The following THSD4 variants were observed in gnomAD, a reference collection of about 807,000 sequenced individuals.
THSD4 encodes the protein thrombospondin type 1 domain containing 4, also known as thrombospondin type-1 domain-containing protein 4.
Under a neutral mutation model 119.0 loss-of-function variants are expected in THSD4, and 69 were observed. The observed-to-expected ratio is 0.58, with a 90% CI of 0.48 to 0.71. THSD4 has a LOEUF of 0.71. THSD4 is among the 30% of genes least tolerant of loss of function. The pLI is 0.00. For missense variants in THSD4, 1,393 were observed against 1,391.1 expected (o/e 1.00, Z -0.02); for synonymous variants, 524 against 540.4 (o/e 0.97, Z 0.42).
At chr15:71,299,855 A>G (rs2044919449) in intron 6 of THSD4, among the ~76,000 whole-genome samples, 1 of 151,442 alleles carries the variant, frequency 6.6e-6, no homozygotes, top group Non-Finnish European at 1.5e-5. Context: ...GCTGGACGTG[A>G]TAGCTCACAC....
intron 6 of THSD4, among the ~76,000 whole-genome samples, chr15:71,319,161 G>T (rs2045231699): frequency 6.6e-6 from 1 of 152,106 alleles, no homozygotes; most frequent in Non-Finnish European, 1.5e-5. Context: ...CCATAATCAG[G>T]ACTGAGCACC....
At chr15:71,123,634 A>G (rs1003063502) in intron 1 of THSD4, among the ~76,000 whole-genome samples, 59 of 152,192 alleles carry the variant, frequency 3.9e-4, no homozygotes, top group African/African-American at 1.4e-3. Flanking sequence ...TCACTGTGAT[A>G]AACATGCCGT....
chr15:71,562,526 A>C (rs1339517199), intron 7 of THSD4, among the ~76,000 whole-genome samples: 1 of 152,130 alleles, frequency 6.6e-6, no homozygotes, highest in Non-Finnish European at 1.5e-5. Context: ...CAGACAGACA[A>C]ATATCCTGAC....
chr15:71,752,188 A>T (rs1441456599), intron 14 of THSD4, among the ~76,000 whole-genome samples: 2 of 152,210 alleles, frequency 1.3e-5, no homozygotes, highest in Non-Finnish European at 2.9e-5. Context: ...CTGTGGGGAA[A>T]ATAGCTGCAG....
intron 15 of THSD4, among the ~76,000 whole-genome samples, chr15:71,760,034 T>C (rs188218292): frequency 5.3e-5 from 8 of 152,308 alleles, no homozygotes; most frequent in African/African-American, 1.9e-4. Flanking sequence ...TGCTTATTTC[T>C]TGAAAGGTAA....
At chr15:71,359,092 A>C (rs920379189) in intron 6 of THSD4, among the ~76,000 whole-genome samples, 1 of 152,202 alleles carries the variant, frequency 6.6e-6, no homozygotes, top group African/African-American at 2.4e-5. Flanking sequence ...CAGTCTAAAG[A>C]GTCAACACCT....
chr15:71,309,629 A>G (rs2045083463), intron 6 of THSD4, among the ~76,000 whole-genome samples: 1 of 152,168 alleles, frequency 6.6e-6, no homozygotes. Flanking sequence ...ATAGTTTTAG[A>G]TCCCTGACCC....
intron 7 of THSD4, among the ~76,000 whole-genome samples, chr15:71,437,152 G>A (rs377649629): frequency 1.4e-4 from 22 of 152,244 alleles, no homozygotes; most frequent in African/African-American, 5.1e-4. Flanking sequence ...CATAGCAAGA[G>A]CAGCAGCGAG....
chr15:71,756,804 G>A (rs1389193037), intron 14 of THSD4, among the ~76,000 whole-genome samples: 1 of 152,054 alleles, frequency 6.6e-6, no homozygotes, highest in Non-Finnish European at 1.5e-5. Flanking sequence ...GAAAAGACAC[G>A]ATAAGATGAG....
chr15:71,360,447 A>T (rs2045879246), intron 6 of THSD4, among the ~76,000 whole-genome samples: 1 of 152,198 alleles, frequency 6.6e-6, no homozygotes, highest in South Asian at 2.1e-4. Flanking sequence ...GTATGCATAC[A>T]GTGAGGGAAG....
chr15:71,134,228 C>T (rs2040528988), intron 1 of THSD4, among the ~76,000 whole-genome samples: 1 of 152,188 alleles, frequency 6.6e-6, no homozygotes, highest in Non-Finnish European at 1.5e-5. Flanking sequence ...CTCTGGCTGT[C>T]CTCATAGGCA....
intron 7 of THSD4, among the ~76,000 whole-genome samples, chr15:71,549,013 G>T (rs1240775776): frequency 2.0e-5 from 3 of 152,196 alleles, no homozygotes; most frequent in Admixed American, 1.3e-4. Context: ...AGGCCACGCC[G>T]GAATCTGTGT....
At chr15:71,250,559 G>T (rs12148731) in intron 5 of THSD4, among the ~76,000 whole-genome samples, 109 of 152,170 alleles carry the variant, frequency 7.2e-4, no homozygotes, top group Non-Finnish European at 6.9e-4. Flanking sequence ...ACTCAAACAT[G>T]CTCCCAATTT....
intron 6 of THSD4, among the ~76,000 whole-genome samples, chr15:71,389,080 G>A (rs752945951): frequency 1.3e-5 from 2 of 152,120 alleles, no homozygotes; most frequent in Non-Finnish European, 2.9e-5. Context: ...CTCCCCAGCT[G>A]CATGGAACTG....
chr15:71,389,053 C>T (rs111297633), intron 6 of THSD4, among the ~76,000 whole-genome samples: 26 of 152,238 alleles, frequency 1.7e-4, no homozygotes, highest in East Asian at 1.5e-3. Flanking sequence ...TTTCACCTTC[C>T]GCCATGATTG....
chr15:71,655,856 A>G (rs2051180131), intron 7 of THSD4, among the ~76,000 whole-genome samples: 1 of 152,222 alleles, frequency 6.6e-6, no homozygotes, highest in Non-Finnish European at 1.5e-5. Context: ...AATTCAAGCC[A>G]GATTCGTTTC....
upstream of THSD4, chr15:71,111,812 T>G: frequency 1.9e-6 from 1 of 525,886 alleles, no homozygotes; most frequent in South Asian, 3.2e-5. Flanking sequence ...ACAGTTAGGA[T>G]GAAAACACGA....
At chr15:71,199,727 AGTGTGTGTGTAGTGTGTGTGGG>A (rs2043769658) in intron 3 of THSD4, among the ~76,000 whole-genome samples, 1 of 19,830 alleles carries the variant, frequency 5.0e-5, no homozygotes, top group Admixed American at 4.5e-4. Context: ...GTGTGTGTGT[AGTGTGTGTGTAGTGTGTGTGGG>A]TGTGTGTGAT....
At chr15:71,203,521 T>C (rs921949632) in intron 3 of THSD4, among the ~76,000 whole-genome samples, 1 of 151,944 alleles carries the variant, frequency 6.6e-6, no homozygotes, top group African/African-American at 2.4e-5. Context: ...TAGCTGGGCA[T>C]GATGGTGTGT....
Sources: gnomAD v4.1 joint callset for allele counts (sites outside exome capture counted in the v4.1 genomes callset) on GRCh38, gnomAD v4.1.1 for gene constraint, MANE v1.5 for transcripts, NCBI Gene and HGNC (gene_info 2026-07-23, HGNC 2026-07-21) for gene names.